Variants in IRS4 observed in about 807,000 individuals in gnomAD.
The protein encoded by IRS4 is insulin receptor substrate 4.
A neutral mutation model predicts 48.6 loss-of-function variants in IRS4; 15 were observed. That is an observed-to-expected ratio of 0.31 (90% CI 0.21 to 0.48). The LOEUF is 0.48. Ranked by LOEUF, IRS4 falls within the 20% of genes least tolerant of loss-of-function variation. The pLI is 0.99. For missense variants in IRS4, 987 were observed against 1,023.4 expected, an observed-to-expected ratio of 0.96 and a Z score of 0.49; for synonymous variants, 459 against 413.2, an observed-to-expected ratio of 1.11 and a Z score of -1.34.
Position 108,736,353 on chromosome X carries a change from A to C in IRS4, c.-9T>G. 8.3e-7 allele frequency: 1 copy of C among 1,211,116 alleles called. No homozygotes were observed. Among genetic ancestry groups the C allele is most frequent in the Non-Finnish European group, 1.1e-6 (1 of 895,426 alleles). ...AAGGAGCAACTCGCCATGGTGATGC[A>C]CGATGGTTTTAAGGTGAGCGAGGAG... is the stretch of plus-strand genomic sequence containing the variant. On this transcript the variant is annotated 5_prime_UTR_variant, in exon 1 of 2. Coordinates refer to ENST00000372129, the MANE Select transcript of IRS4 (RefSeq NM_001379150.1).
rs926818373 is a variant in IRS4, at chrX:108,727,831, T to G, written c.3766+4748A>C. The stretch of plus-strand genomic sequence containing the variant: ...TTTGATTTTCAAGGCTTCTAAAATC[T>G]ACTTGCCTGACTGCCAAAAGCAAGT... On this transcript the variant is annotated intron_variant, in intron 1 of 1. Transcript: ENST00000372129. Among the ~76,000 whole-genome samples the G allele has an allele frequency of 8.9e-5, 10 of 112,389 alleles. No individual in the cohort carries two copies. The East Asian group carries it at 2.8e-3, about 31-fold the overall frequency.
rs767484261 is a variant in IRS4 at position 108,733,414 on chromosome X, A to T, written c.2931T>A (p.Asp977Glu). The change falls in exon 1 of 2, where the codon GAT becomes GAA. Residue 977 changes from aspartate to glutamate, a missense_variant. Physicochemically the swap from Asp to Glu is conservative, Grantham distance 45. Transcript: ENST00000372129. ...TGGCACGTGGTATAGCTCTTAAAAG[A>T]TCTGAGAGGTCGTTTGCTGGATTTG... The part of the protein sequence containing the change: ...PFPNPANDLS[D>E]LLRAIPRANP... 8.3e-7 allele frequency: 1 copy of T among 1,209,976 alleles called. No homozygotes were observed. Among genetic ancestry groups the T allele is most frequent in the African/African-American group, 1.7e-5 (1 of 57,156 alleles).
Position 108,733,697 on chromosome X carries a change from T to G in IRS4, c.2648A>C (p.Lys883Thr), listed in dbSNP as rs1801165. The G allele has an allele frequency of 8.2e-6, 10 of 1,212,169 alleles. No individual in the cohort carries two copies. Residue 883 changes from lysine to threonine, a missense_variant, in exon 1 of 2, where the codon AAG (lysine) becomes ACG (threonine). Physicochemically the swap from Lys to Thr is moderately conservative, Grantham distance 78. This residue lies in a region of IRS4 where 720 missense variants were observed against 660.3 expected (regional missense o/e 1.09). Coordinates refer to ENST00000372129, the MANE Select transcript of IRS4 (RefSeq NM_001379150.1). ...PSKPSDHEPP[K>T]NKAKRPNRLS... is the part of the protein sequence containing the mutation. ...TCGGTTAGGTCTCTTAGCTTTATTCTTTGGGGGCTCATGATCTGAAGGCTT... is the reference window on the plus strand; with the variant it reads ...TCGGTTAGGTCTCTTAGCTTTATTCGTTGGGGGCTCATGATCTGAAGGCTT...
In IRS4 at chrX:108,733,049, G is replaced by T. The variant is rs997329380; in HGVS notation, c.3296C>A (p.Ala1099Asp). The change falls in exon 1 of 2, where the codon GCT becomes GAT. Residue 1099 changes from alanine to aspartate, a missense_variant. This residue lies in a region of IRS4 where 720 missense variants were observed against 660.3 expected (regional missense o/e 1.09). Coordinates refer to ENST00000372129, the MANE Select transcript of IRS4 (RefSeq NM_001379150.1). ...SQSFFAAARA[A>D]VSAFPTDSLE... ...GCTGTCTGTTGGAAAAGCAGAGACAGCGGCTCTGGCTGCTGCAAAGAAACT... is the reference window on the plus strand; with the variant it reads ...GCTGTCTGTTGGAAAAGCAGAGACATCGGCTCTGGCTGCTGCAAAGAAACT... 3.3e-6 allele frequency: 4 copies of T among 1,211,681 alleles called. No homozygotes were observed. Among genetic ancestry groups the T allele is most frequent in the Non-Finnish European group, 2.2e-6 (2 of 895,344 alleles).
In IRS4 at chrX:108,734,896, G is replaced by T; in HGVS notation, c.1449C>A (p.Ser483Arg). ...NPQGKEDQEG[S>R]GGDYMPMNNW... ...TGTTCATAGGCATGTAGTCACCTCC[G>T]CTTCCTTCCTGATCTTCTTTGCCCT... The change falls in exon 1 of 2, where the codon AGC becomes AGA. Residue 483 changes from serine to arginine, a missense_variant. This residue lies in a region of IRS4 where 720 missense variants were observed against 660.3 expected (regional missense o/e 1.09). Coordinates refer to ENST00000372129, the MANE Select transcript of IRS4 (RefSeq NM_001379150.1). 1 of 1,211,878 alleles carries T rather than the reference G, an allele frequency of 8.3e-7. No individual in the cohort carries two copies. Among genetic ancestry groups the T allele is most frequent in the South Asian group, 1.8e-5 (1 of 57,008 alleles).
chrX:108,734,529 G>A lies in IRS4; in HGVS notation c.1816C>T (p.Arg606Cys), dbSNP rs1162876168. 3.3e-6 allele frequency: 4 copies of A among 1,209,180 alleles called. No individual in the cohort carries two copies. Among genetic ancestry groups the A allele is most frequent in the East Asian group, 3.0e-5 (1 of 33,731 alleles). ...GATCTTTTCTTCAGAGATTTTCCAC[G>A]TTCACCATCACCATCGGATCCTTTC... ...SGKGSDGDGERGKSLKKRSYF... is the reference protein window; with the variant it reads ...SGKGSDGDGECGKSLKKRSYF... The change falls in exon 1 of 2, where the codon CGT (arginine) becomes TGT (cysteine). Residue 606 changes from arginine to cysteine, a missense_variant. By Grantham distance (180) the Arg-to-Cys change is radical. Transcript: ENST00000372129.
chrX:108,736,330 G>A lies in IRS4; in HGVS notation c.15C>T (p.Ser5=), dbSNP rs969865599. 155 of 1,209,506 alleles carry A rather than the reference G, an allele frequency of 1.3e-4. No individual in the cohort carries two copies. Among genetic ancestry groups the A allele is most frequent in the Non-Finnish European group, 1.6e-4 (143 of 895,096 alleles). The part of the protein sequence containing the change: MASC[S]FTRDQATRRL... Reference sequence around the variant, plus strand: ...TTCTTGTCGCTTGGTCGCGAGTGAAGGAGCAACTCGCCATGGTGATGCACG... The same window carrying A: ...TTCTTGTCGCTTGGTCGCGAGTGAAAGAGCAACTCGCCATGGTGATGCACG... Residue 5 remains serine, a synonymous_variant, in exon 1 of 2, where the codon TCC becomes TCT. Transcript: ENST00000372129.
chrX:108,728,836 C>T (rs191206466), intron 1 of IRS4, among the ~76,000 whole-genome samples: 24 of 111,486 alleles, frequency 2.2e-4, no homozygotes, highest in Non-Finnish European at 3.0e-4. Context: ...AGATCTCGTT[C>T]GAATTTTTAT....
At position 108,734,843 on chromosome X, in the gene IRS4, G is replaced by A. The variant is rs1199772176; in HGVS notation, c.1502C>T (p.Ser501Leu). ...NNWGSGNGRG[S>L]GGGQGSNGQG... is the part of the protein sequence containing the mutation. ...GCCATTTGAGCCCTGGCCACCTCCT[G>A]AGCCCCGGCCATTTCCTGAGCCCCA... Residue 501 changes from serine to leucine, a missense_variant, in exon 1 of 2, where the codon TCA becomes TTA. Transcript: ENST00000372129. The A allele has an allele frequency of 2.2e-5, 27 of 1,210,089 alleles. No individual in the cohort carries two copies. The South Asian group carries it at 2.5e-4, about 11-fold the overall frequency.
chrX:108,729,591 T>C (rs188404687), intron 1 of IRS4, among the ~76,000 whole-genome samples: 195 of 112,436 alleles, frequency 1.7e-3, no homozygotes, highest in African/African-American at 5.6e-3. Context: ...TCATCTTTAA[T>C]AAATGATTAA....
intron 1 of IRS4, among the ~76,000 whole-genome samples, chrX:108,732,267 T>A (rs1212458704): frequency 8.9e-6 from 1 of 112,538 alleles, no homozygotes; most frequent in Non-Finnish European, 1.9e-5. Context: ...CTTTACATTA[T>A]CATTAAATGA....
chrX:108,730,298 ACACCAC>A lies in IRS4; in HGVS notation c.3766+2275_3766+2280del, dbSNP rs1177982399. 5.3e-3 allele frequency among the ~76,000 whole-genome samples: 564 copies of A among 105,742 alleles called. 5 individuals carry two copies. Among genetic ancestry groups the A allele is most frequent in the Non-Finnish European group, 8.6e-3 (441 of 51,257 alleles). 91.8% of individuals were successfully genotyped at this position (105,742 alleles called of 115,157 possible). A position where few individuals can be genotyped will look rare whatever the true frequency, so the allele number is the denominator to read the frequency against. On this transcript the variant is annotated intron_variant, in intron 1 of 1. Coordinates refer to ENST00000372129, the MANE Select transcript of IRS4 (RefSeq NM_001379150.1). ...ACAATGGGTTGTTTCACCACCATCA[ACACCAC>A]CACCACCACCACCACCACCCCCACC...
intron 1 of IRS4, among the ~76,000 whole-genome samples, chrX:108,731,183 T>C (rs762128903): frequency 9.1e-6 from 1 of 110,129 alleles, no homozygotes; most frequent in Non-Finnish European, 1.9e-5. Context: ...TGAGTTTGTG[T>C]ATGGCAAGTT....
At position 108,720,258 on chromosome X, in the gene IRS4, T is replaced by A. The variant is rs1381195450; in HGVS notation, c.*2261A>T. On this transcript the variant is annotated 3_prime_UTR_variant, in exon 2 of 2. Coordinates refer to ENST00000372129, the MANE Select transcript of IRS4 (RefSeq NM_001379150.1). ...AATGTAGAGGTCACACACACAAAAA[T>A]ATTCCATCATTGTTTTTTCTTAGCA... is the stretch of plus-strand genomic sequence containing the variant. The A allele has an allele frequency of 1.8e-5, 2 of 112,426 alleles. No individual in the cohort carries two copies. The highest frequency in any genetic ancestry group is 3.8e-5 in the Non-Finnish European group (2 of 53,292). The allele number at this position is 112,426 out of a possible 1,213,427, so 9.3% of individuals were successfully genotyped here.
Position 108,732,706 on chromosome X carries a change from C to CGGAGCG in IRS4, c.3633_3638dup (p.Ala1212_Pro1213dup). On this transcript the variant is annotated inframe_insertion, in exon 1 of 2. Coordinates refer to ENST00000372129, the MANE Select transcript of IRS4 (RefSeq NM_001379150.1). ...CCCGGCGACTGCGAGGTGGTGGTTC[C>CGGAGCG]GGAGCGGCAGCTGCAGCGGCAGCCC... is the stretch of plus-strand genomic sequence containing the variant. 1 of 1,211,567 alleles carries CGGAGCG rather than the reference C, an allele frequency of 8.3e-7. No homozygotes were observed. Among genetic ancestry groups the CGGAGCG allele is most frequent in the Non-Finnish European group, 1.1e-6 (1 of 895,351 alleles).
At chrX:108,729,495 T>C (rs2148015204) in intron 1 of IRS4, among the ~76,000 whole-genome samples, 1 of 111,638 alleles carries the variant, frequency 9.0e-6, no homozygotes, top group South Asian at 3.7e-4. Flanking sequence ...ATACATAGGT[T>C]AACAGTCAAA....
chrX:108,727,262 C>T (rs986129745), intron 1 of IRS4, among the ~76,000 whole-genome samples: 4 of 111,504 alleles, frequency 3.6e-5, no homozygotes, highest in Non-Finnish European at 7.5e-5. Context: ...TGAAAGGTAC[C>T]CTCTAAAAAT....
At position 108,733,873 on chromosome X, in the gene IRS4, G is replaced by C. The variant is rs371393976; in HGVS notation, c.2472C>G (p.Asp824Glu). ...PFRSSPLGQN[D>E]NSEYVPMLPG... ...GTAACATTGGCACATACTCACTGTT[G>C]TCATTCTGTCCCAAAGGTGAGCTCC... Residue 824 changes from aspartate to glutamate, a missense_variant, in exon 1 of 2, where the codon GAC (aspartate) becomes GAG (glutamate). Physicochemically the swap from Asp to Glu is conservative, Grantham distance 45. Coordinates refer to ENST00000372129, the MANE Select transcript of IRS4 (RefSeq NM_001379150.1). 73 of 1,209,488 alleles carry C rather than the reference G, an allele frequency of 6.0e-5. No homozygotes were observed. Among genetic ancestry groups the C allele is most frequent in the Non-Finnish European group, 8.0e-5 (72 of 895,152 alleles).
chrX:108,735,424 G>C lies in IRS4; in HGVS notation c.921C>G (p.Leu307=), dbSNP rs769021175. The change falls in exon 1 of 2, where the codon CTC becomes CTG. Residue 307 remains leucine, a synonymous_variant. Coordinates refer to ENST00000372129, the MANE Select transcript of IRS4 (RefSeq NM_001379150.1). ...GRSTVIGPGE[L]WMQVDDCVVA... is the part of the protein sequence containing the mutation. ...CCACACAGTCATCGACCTGCATCCA[G>C]AGCTCTCCCGGACCGATGACAGTGG... is the stretch of plus-strand genomic sequence containing the variant. The C allele has an allele frequency of 8.3e-7, 1 of 1,211,122 alleles. No individual in the cohort carries two copies. Among genetic ancestry groups the C allele is most frequent in the South Asian group, 1.8e-5 (1 of 56,946 alleles).
Sources: allele counts gnomAD v4.1 joint callset (sites outside exome capture counted in the v4.1 genomes callset), GRCh38; gene constraint gnomAD v4.1.1; regional missense constraint gnomAD v4.1.1; transcripts MANE v1.5; gene names NCBI Gene and HGNC (gene_info 2026-07-23, HGNC 2026-07-21).